DAB1: variants seen among roughly 807,000 people sequenced by gnomAD.
The protein encoded by DAB1 is DAB adaptor protein 1.
DAB1 carries 15 observed loss-of-function variants against 64.6 expected under a neutral mutation model. That is an observed-to-expected ratio of 0.23 (90% CI 0.16 to 0.36). The LOEUF (loss-of-function observed/expected upper bound fraction) is 0.36, where lower values mean the gene tolerates loss of function less well. Among genes scored for constraint, DAB1 ranks in the 10% least tolerant of loss-of-function variants. The probability of loss-of-function intolerance (pLI) is 1.00; values close to 1 mark genes in which losing one functional copy is unlikely to be tolerated. For synonymous variants in DAB1, 235 were observed against 251.9 expected (o/e 0.93, Z 0.64); for missense variants, 596 against 706.7 (o/e 0.84, Z 1.78).
chr1:57,747,687 C>T (rs1648342607), intron 6 of DAB1, among the ~76,000 whole-genome samples: 1 of 151,258 alleles, frequency 6.6e-6, no homozygotes, highest in Non-Finnish European at 1.5e-5. Flanking sequence ...AAGGGGCCTG[C>T]AGTCCCAGTT....
chr1:58,165,176 C>T (rs550542986), intron 4 of DAB1, among the ~76,000 whole-genome samples: 2 of 152,266 alleles, frequency 1.3e-5, no homozygotes, highest in Non-Finnish European at 2.9e-5. Flanking sequence ...CACACTGTTG[C>T]TTTTTCTTGA....
In DAB1 at chr1:57,606,592, TTATATATTA is replaced by T. The variant is rs1447832308; in HGVS notation, n.625+42991_625+42999del. Among the ~76,000 whole-genome samples, 22 of 48,954 alleles carry T rather than the reference TTATATATTA, an allele frequency of 4.5e-4. 1 individual carries two copies. Among genetic ancestry groups the T allele is most frequent in the African/African-American group, 1.7e-3 (21 of 12,624 alleles). The allele number at this position is 48,954 out of a possible 152,430, so 32.1% of individuals were successfully genotyped here. On this transcript the variant is annotated intron_variant and non_coding_transcript_variant, in intron 7 of 20. Coordinates refer to the DAB1 transcript ENST00000485760. ...TATATGAAATATATAATATAATATA[TTATATATTA>T]TATATATGAAATATATAATATATGA...
chr1:57,635,344 G>A (rs749468185), intron 7 of DAB1, among the ~76,000 whole-genome samples: 2 of 152,056 alleles, frequency 1.3e-5, no homozygotes, highest in Non-Finnish European at 2.9e-5. Context: ...GGAGGTGAGC[G>A]GCAGGCAAGC....
At chr1:57,394,526 TTTG>T (rs1682649277) in intron 1 of DAB1, among the ~76,000 whole-genome samples, 1 of 152,224 alleles carries the variant, frequency 6.6e-6, no homozygotes, top group Admixed American at 6.5e-5. Context: ...CCACATTCTT[TTTG>T]TTATGTTAGA....
intron 3 of DAB1, among the ~76,000 whole-genome samples, chr1:58,379,337 A>T (rs1454886611): frequency 6.6e-6 from 1 of 152,254 alleles, no homozygotes; most frequent in Non-Finnish European, 1.5e-5. Context: ...TAAATGTAGC[A>T]ATACCACATA....
At chr1:57,626,350 T>C (rs1645923446) in intron 7 of DAB1, among the ~76,000 whole-genome samples, 1 of 152,210 alleles carries the variant, frequency 6.6e-6, no homozygotes, top group African/African-American at 2.4e-5. Flanking sequence ...TATGGTGGCC[T>C]AAATCTATTA....
intron 4 of DAB1, among the ~76,000 whole-genome samples, chr1:58,304,121 G>A (rs909214497): frequency 1.3e-5 from 2 of 152,066 alleles, no homozygotes. Context: ...ATATAAGGGC[G>A]AGAAAGACCC....
chr1:58,055,660 C>A (rs1648009196), intron 5 of DAB1, among the ~76,000 whole-genome samples: 1 of 152,140 alleles, frequency 6.6e-6, no homozygotes, highest in Admixed American at 6.5e-5. Context: ...GTTGAATAGA[C>A]TAATGTACGC....
At chr1:57,720,842 TATTTAAAGGTC>T in intron 6 of DAB1, among the ~76,000 whole-genome samples, 1 of 152,182 alleles carries the variant, frequency 6.6e-6, no homozygotes, top group Admixed American at 6.5e-5. Context: ...AGGTTTTAAA[TATTTAAAGGTC>T]ACCATTCAGT....
chr1:57,971,712 A>T (rs933134600), intron 5 of DAB1, among the ~76,000 whole-genome samples: 5 of 152,246 alleles, frequency 3.3e-5, no homozygotes, highest in Admixed American at 1.3e-4. Flanking sequence ...CGGGATCACA[A>T]ATCAAATGTC....
At chr1:58,457,750 G>T (rs1198309997) in intron 3 of DAB1, among the ~76,000 whole-genome samples, 1 of 152,170 alleles carries the variant, frequency 6.6e-6, no homozygotes, top group Non-Finnish European at 1.5e-5. Context: ...AGATGTAGGA[G>T]TCTTCTTTTA....
At chr1:57,042,886 G>C (rs1647971285) in intron 9 of DAB1, among the ~76,000 whole-genome samples, 1 of 151,718 alleles carries the variant, frequency 6.6e-6, no homozygotes, top group Admixed American at 6.6e-5. Context: ...CAATCACAGA[G>C]ATATGGCATT....
chr1:57,051,181 A>T lies in DAB1; in HGVS notation c.723+11703T>A, dbSNP rs564201025. Among the ~76,000 whole-genome samples the T allele has an allele frequency of 1.6e-3, 238 of 152,362 alleles. 1 individual carries two copies. The highest frequency in any genetic ancestry group is 5.5e-3 in the African/African-American group (230 of 41,586). ...CATCTAAGAAACATCAAAAGGGACA[A>T]CCTTATATTTCATTTGTGGGAATAT... is the stretch of plus-strand genomic sequence containing the variant. On this transcript the variant is annotated intron_variant, in intron 9 of 14. Coordinates refer to ENST00000371236, the MANE Select transcript of DAB1 (RefSeq NM_001365792.1).
intron 5 of DAB1, among the ~76,000 whole-genome samples, chr1:57,912,297 A>C (rs1410133224): frequency 3.9e-5 from 6 of 152,150 alleles, no homozygotes; most frequent in African/African-American, 7.2e-5. Context: ...ATCTCCATTA[A>C]GCAAAAGCAG....
intron 1 of DAB1, among the ~76,000 whole-genome samples, chr1:57,392,911 C>A (rs1356629248): frequency 6.6e-6 from 1 of 152,160 alleles, no homozygotes; most frequent in Non-Finnish European, 1.5e-5. Context: ...TTGATTTTCC[C>A]AAAATTCCCT....
intron 2 of DAB1, among the ~76,000 whole-genome samples, chr1:57,183,989 T>A (rs1024862175): frequency 6.6e-6 from 1 of 152,064 alleles, no homozygotes; most frequent in Non-Finnish European, 1.5e-5. Flanking sequence ...ACTTAGCTAA[T>A]AACAGATCAA....
intron 1 of DAB1, among the ~76,000 whole-genome samples, chr1:57,366,616 T>C (rs974075928): frequency 4.6e-5 from 7 of 152,336 alleles, no homozygotes; most frequent in African/African-American, 1.7e-4. Flanking sequence ...GGCTAATACA[T>C]ATGTTAAAAG....
intron 6 of DAB1, among the ~76,000 whole-genome samples, chr1:57,781,603 TAGC>T (rs1184752322): frequency 1.3e-5 from 2 of 151,244 alleles, no homozygotes; most frequent in East Asian, 3.9e-4. Flanking sequence ...GTTGTGTAAA[TAGC>T]AGGGAGAAAT....
At chr1:58,358,706 A>T (rs538753304) in intron 3 of DAB1, among the ~76,000 whole-genome samples, 3 of 152,312 alleles carry the variant, frequency 2.0e-5, no homozygotes, top group Non-Finnish European at 4.4e-5. Context: ...GAACTGTTTA[A>T]AATAGCACCA....
Sources: allele counts gnomAD v4.1 joint callset (sites outside exome capture counted in the v4.1 genomes callset), GRCh38; gene constraint gnomAD v4.1.1; transcripts MANE v1.5; gene names NCBI Gene and HGNC (gene_info 2026-07-23, HGNC 2026-07-21).